TTLL11: variants seen among roughly 807,000 people sequenced by gnomAD.
TTLL11 encodes the protein tubulin tyrosine ligase like 11, also known as tubulin polyglutamylase TTLL11.
Under a neutral mutation model 51.7 loss-of-function variants are expected in TTLL11, and 42 were observed. The ratio of observed to expected loss-of-function variants is 0.81; its 90% CI spans 0.64 to 1.05. TTLL11 has a LOEUF of 1.05. TTLL11 is among the 50% of genes least tolerant of loss of function. TTLL11 has a pLI of 0.00. For synonymous variants in TTLL11, 381 were observed against 383.5 expected (o/e 0.99, Z 0.08); for missense variants, 799 against 940.4 (o/e 0.85, Z 1.97).
intron 4 of TTLL11, among the ~76,000 whole-genome samples, chr9:121,980,576 A>G (rs768798361): frequency 9.9e-5 from 15 of 152,154 alleles, no homozygotes; most frequent in Non-Finnish European, 1.5e-4. Context: ...AGTTGACCAT[A>G]CTTGTAAGAA....
Position 121,817,297 on chromosome 9 carries a change from T to C in TTLL11, c.*5290A>G, listed in dbSNP as rs908361563. 2.6e-5 allele frequency: 4 copies of C among 151,932 alleles called. No homozygotes were observed. The highest frequency in any genetic ancestry group is 2.1e-4 in the South Asian group (1 of 4,798). 9.4% of individuals were successfully genotyped at this position (151,932 alleles called of 1,614,324 possible). Reference sequence around the variant, plus strand: ...GTGGGAATGAAGGGGAGGTGGGGCGTTGGGGGGAGGGCAGGAGGAGCTGAC... The same window carrying C: ...GTGGGAATGAAGGGGAGGTGGGGCGCTGGGGGGAGGGCAGGAGGAGCTGAC... On this transcript the variant is annotated 3_prime_UTR_variant, in exon 9 of 9. Transcript: ENST00000321582.
intron 6 of TTLL11, among the ~76,000 whole-genome samples, chr9:121,964,497 C>A (rs1298814393): frequency 2.0e-5 from 3 of 152,022 alleles, no homozygotes; most frequent in African/African-American, 7.2e-5. Context: ...GGGGTTTTAC[C>A]AAGTTGGCCA....
chr9:121,940,216 T>C (rs999832494), intron 6 of TTLL11, among the ~76,000 whole-genome samples: 11 of 152,220 alleles, frequency 7.2e-5, no homozygotes, highest in African/African-American at 2.4e-4. Flanking sequence ...TTCATAGTCA[T>C]AAATCCTCTT....
chr9:121,910,666 T>C (rs1402411438), intron 6 of TTLL11, among the ~76,000 whole-genome samples: 1 of 152,152 alleles, frequency 6.6e-6, no homozygotes, highest in Non-Finnish European at 1.5e-5. Flanking sequence ...TCGAAAATGT[T>C]TAGGAAAACA....
intron 4 of TTLL11, among the ~76,000 whole-genome samples, chr9:121,988,028 T>C (rs1564343011): frequency 6.6e-6 from 1 of 152,084 alleles, no homozygotes; most frequent in African/African-American, 2.4e-5. Context: ...CCTCCATCCA[T>C]GCAAGTACCC....
rs1353926285 is a variant in TTLL11 at position 121,816,683 on chromosome 9, T to C, written c.*5904A>G. 6 of 150,668 alleles carry C rather than the reference T, an allele frequency of 4.0e-5. No homozygotes were observed. The East Asian group carries it at 1.2e-3, about 30-fold the overall frequency. The allele number at this position is 150,668 out of a possible 1,614,324, so 9.3% of individuals were successfully genotyped here. ...GCATGTGTGCGTGTGTGCATGCGTGTGCATCGTGTGTGCGTGCGTGTGTGT... is the reference window on the plus strand; with the variant it reads ...GCATGTGTGCGTGTGTGCATGCGTGCGCATCGTGTGTGCGTGCGTGTGTGT... On this transcript the variant is annotated 3_prime_UTR_variant, in exon 9 of 9. Transcript: ENST00000321582.
At chr9:121,872,218 G>A (rs1417524129) in intron 6 of TTLL11, among the ~76,000 whole-genome samples, 6 of 152,210 alleles carry the variant, frequency 3.9e-5, no homozygotes, top group East Asian at 1.9e-4. Context: ...TCCTCTGGCC[G>A]TGGCTGGCTG....
intron 6 of TTLL11, among the ~76,000 whole-genome samples, chr9:121,938,981 C>T (rs1841342996): frequency 6.6e-6 from 1 of 152,146 alleles, no homozygotes; most frequent in South Asian, 2.1e-4. Context: ...AGATAAAGTC[C>T]GATGTGAGAA....
In TTLL11 at chr9:121,819,351, C is replaced by G. The variant is rs1836504822; in HGVS notation, c.*3236G>C. The G allele has an allele frequency of 6.6e-6, 1 of 152,358 alleles. No individual in the cohort carries two copies. Among genetic ancestry groups the G allele is most frequent in the Non-Finnish European group, 1.5e-5 (1 of 68,234 alleles). The allele number at this position is 152,358 out of a possible 1,614,324, so 9.4% of individuals were successfully genotyped here. A position where few individuals can be genotyped will look rare whatever the true frequency, so the allele number is the denominator to read the frequency against. ...GGAGCAAGGAGGCTGCCCCGGGGCA[C>G]ACCCAAAGAAAGGGTAGGTGGGCCC... On this transcript the variant is annotated 3_prime_UTR_variant, in exon 9 of 9. Transcript: ENST00000321582.
chr9:121,930,950 GT>G (rs750959437), intron 6 of TTLL11, among the ~76,000 whole-genome samples: 4 of 152,212 alleles, frequency 2.6e-5, no homozygotes, highest in Non-Finnish European at 5.9e-5. Flanking sequence ...AACTGAATTT[GT>G]ACTCAGCTGG....
In TTLL11 at chr9:121,854,430, T is replaced by C. The variant is rs138734692; in HGVS notation, c.1840+5907A>G. 4.9e-3 allele frequency among the ~76,000 whole-genome samples: 749 copies of C among 152,338 alleles called. 3 individuals are homozygous for C. Among genetic ancestry groups the C allele is most frequent in the Non-Finnish European group, 8.5e-3 (580 of 68,026 alleles). Reference sequence around the variant, plus strand: ...GGAAGACTCCACAGTCAGTTTTTTCTTCCTTTGCTCTCATGTTCCCTTTGG... The same window carrying C: ...GGAAGACTCCACAGTCAGTTTTTTCCTCCTTTGCTCTCATGTTCCCTTTGG... On this transcript the variant is annotated intron_variant, in intron 8 of 8. Transcript: ENST00000321582.
intron 6 of TTLL11, among the ~76,000 whole-genome samples, chr9:121,875,426 C>G (rs1176073563): frequency 6.6e-6 from 1 of 152,182 alleles, no homozygotes. Context: ...AAATTTCTTT[C>G]AAGGGTTGCT....
At chr9:121,862,404 A>G (rs983992951) in intron 7 of TTLL11, among the ~76,000 whole-genome samples, 1 of 152,192 alleles carries the variant, frequency 6.6e-6, no homozygotes, top group Admixed American at 6.5e-5. Flanking sequence ...AGAACCCAGC[A>G]TGGTGCCTGT....
chr9:122,007,194 A>T lies in TTLL11; in HGVS notation c.694-17424T>A, dbSNP rs532810804. On this transcript the variant is annotated intron_variant, in intron 3 of 8. Transcript: ENST00000321582. Reference sequence around the variant, plus strand: ...GTAGCAATAAGCACACCTGGCACTCATGAAAAGAAACCAGGCTTTCTTGGA... The same window carrying T: ...GTAGCAATAAGCACACCTGGCACTCTTGAAAAGAAACCAGGCTTTCTTGGA... Among the ~76,000 whole-genome samples, 483 of 152,232 alleles carry T rather than the reference A, an allele frequency of 3.2e-3. 3 individuals are homozygous for T. The highest frequency in any genetic ancestry group is 0.011 in the African/African-American group (466 of 41,552).
At chr9:121,904,746 G>C (rs1225573514) in intron 6 of TTLL11, among the ~76,000 whole-genome samples, 1 of 152,190 alleles carries the variant, frequency 6.6e-6, no homozygotes, top group Non-Finnish European at 1.5e-5. Context: ...GAGACAACCT[G>C]ACCAGGATCC....
intron 6 of TTLL11, among the ~76,000 whole-genome samples, chr9:121,955,057 C>T (rs780408618): frequency 8.5e-5 from 13 of 152,252 alleles, no homozygotes; most frequent in East Asian, 3.9e-4. Context: ...TGGTCAGAGC[C>T]GCCTTTCCAC....
intron 6 of TTLL11, among the ~76,000 whole-genome samples, chr9:121,893,440 A>G (rs967560522): frequency 1.3e-5 from 2 of 152,128 alleles, no homozygotes; most frequent in African/African-American, 4.8e-5. Flanking sequence ...AACTTCTACA[A>G]CAATCCTCTG....
chr9:121,974,201 G>T (rs146899743), intron 5 of TTLL11, 77 bp from the exon 6 acceptor site: 1 of 1,008,748 alleles, frequency 9.9e-7, no homozygotes, highest in Non-Finnish European at 1.4e-6. Context: ...AGCTCCAGGG[G>T]TTATACTAGT....
chr9:122,071,579 T>TCTCCCCAGCACTGCTGCCG (rs1400153894), intron 1 of TTLL11, among the ~76,000 whole-genome samples: 5 of 151,958 alleles, frequency 3.3e-5, no homozygotes, highest in Non-Finnish European at 7.4e-5. Flanking sequence ...CAAGCCTCGC[T>TCTCCCCAGCACTGCTGCCG]CTCCCCAGCA....
Sources: gnomAD v4.1 joint callset for allele counts (sites outside exome capture counted in the v4.1 genomes callset) on GRCh38, gnomAD v4.1.1 for gene constraint, MANE v1.5 for transcripts, NCBI Gene and HGNC (gene_info 2026-07-23, HGNC 2026-07-21) for gene names.